The following RYK variants were observed in gnomAD, a reference collection of about 807,000 sequenced individuals.
RYK encodes the protein inactive tyrosine-protein kinase RYK.
In RYK, 21 loss-of-function variants were observed where a neutral mutation model predicts 70.2. The ratio of observed to expected loss-of-function variants is 0.30; its 90% CI spans 0.21 to 0.43. RYK has a LOEUF of 0.43. RYK is among the 20% of genes least tolerant of loss of function. RYK has a pLI of 1.00. For synonymous variants in RYK, 267 were observed against 278.0 expected (o/e 0.96, Z 0.39); for missense variants, 604 against 753.3 (o/e 0.80, Z 2.32).
intron 8 of RYK, among the ~76,000 whole-genome samples, chr3:134,189,767 A>C (rs1004003145): frequency 4.6e-5 from 7 of 151,552 alleles, no homozygotes; most frequent in Admixed American, 1.3e-4. Context: ...AAAACAAAAA[A>C]CAAAAACTCT....
At chr3:134,179,512 A>G (rs1365345804) in intron 10 of RYK, 1 of 152,244 alleles carries the variant, frequency 6.6e-6, no homozygotes, top group Non-Finnish European at 1.5e-5. Context: ...TTTATATGCA[A>G]GGAAATCCAC....
chr3:134,159,020 T>G (rs372896934), intron 14 of RYK, among the ~76,000 whole-genome samples: 4 of 152,322 alleles, frequency 2.6e-5, no homozygotes, highest in African/African-American at 9.6e-5. Context: ...GATTATGCAC[T>G]ATAAAATAAA....
chr3:134,196,011 C>A (rs1028717561), intron 6 of RYK, among the ~76,000 whole-genome samples: 2 of 152,040 alleles, frequency 1.3e-5, no homozygotes, highest in Admixed American at 1.3e-4. Flanking sequence ...GCTTCTTCTA[C>A]TTCCCCAATC....
At chr3:134,238,638 T>C (rs1338259106) in intron 1 of RYK, among the ~76,000 whole-genome samples, 1 of 152,132 alleles carries the variant, frequency 6.6e-6, no homozygotes, top group Non-Finnish European at 1.5e-5. Flanking sequence ...CTGTGCCACT[T>C]CAGGAAGTAA....
intron 1 of RYK, among the ~76,000 whole-genome samples, chr3:134,240,541 T>C (rs1559767523): frequency 2.0e-5 from 3 of 152,208 alleles, no homozygotes; most frequent in South Asian, 2.1e-4. Flanking sequence ...TAGGACACTA[T>C]GCATTTGTCG....
intron 1 of RYK, among the ~76,000 whole-genome samples, chr3:134,246,178 A>C (rs924265148): frequency 4.6e-5 from 7 of 152,014 alleles, no homozygotes; most frequent in African/African-American, 1.7e-4. Flanking sequence ...AAAATTGAGA[A>C]CCATTCCCCC....
At chr3:134,235,339 TATA>T (rs150951386) in intron 1 of RYK, among the ~76,000 whole-genome samples, 3,032 of 152,242 alleles carry the variant, frequency 0.02, 98 homozygotes, top group African/African-American at 0.069. Flanking sequence ...CCAAATAGTC[TATA>T]ATGAGTATAT....
At chr3:134,163,403 T>C (rs1170565636) in intron 13 of RYK, among the ~76,000 whole-genome samples, 1 of 152,244 alleles carries the variant, frequency 6.6e-6, no homozygotes, top group East Asian at 1.9e-4. Context: ...AAGAAGGTCA[T>C]GCTGTTCTTT....
intron 8 of RYK, among the ~76,000 whole-genome samples, chr3:134,189,757 A>C (rs1444844097): frequency 1.3e-5 from 2 of 150,680 alleles, no homozygotes; most frequent in Non-Finnish European, 2.9e-5. Context: ...AAAAAAAAAA[A>C]AAACAAAAAA....
At chr3:134,185,557 T>A (rs1042676930) in intron 9 of RYK, among the ~76,000 whole-genome samples, 3 of 152,254 alleles carry the variant, frequency 2.0e-5, no homozygotes, top group Non-Finnish European at 2.9e-5. Context: ...CATATCAATG[T>A]CTGCTGGAAT....
At chr3:134,247,371 G>GT (rs1400939859) in intron 1 of RYK, among the ~76,000 whole-genome samples, 1 of 152,068 alleles carries the variant, frequency 6.6e-6, no homozygotes, top group Non-Finnish European at 1.5e-5. Context: ...AGAGCCTGAG[G>GT]GATAAAAAAG....
Position 134,219,013 on chromosome 3 carries a change from A to G in RYK, c.354+3405T>C, listed in dbSNP as rs533327155. Among the ~76,000 whole-genome samples, 127 of 152,344 alleles carry G rather than the reference A, an allele frequency of 8.3e-4. 1 individual carries two copies. The highest frequency in any genetic ancestry group is 1.3e-3 in the Non-Finnish European group (91 of 68,030). ...AAAAAAATCAGGAAACTTCTGCCTC[A>G]CAAAGAATATCATACCAGCAGTGGC... On this transcript the variant is annotated intron_variant, in intron 2 of 14. Coordinates refer to ENST00000623711, the MANE Select transcript of RYK (RefSeq NM_002958.4).
chr3:134,176,509 T>A (rs1432857979), intron 11 of RYK, among the ~76,000 whole-genome samples: 1 of 151,564 alleles, frequency 6.6e-6, no homozygotes, highest in East Asian at 1.9e-4. Flanking sequence ...AAGGCTGAGG[T>A]GGGAGGATCA....
chr3:134,248,261 G>T (rs1050071690), intron 1 of RYK, among the ~76,000 whole-genome samples: 1 of 152,064 alleles, frequency 6.6e-6, no homozygotes, highest in Non-Finnish European at 1.5e-5. Context: ...GGAGTTAATT[G>T]AAACAATGCT....
chr3:134,228,165 C>T (rs2014959355), intron 1 of RYK, among the ~76,000 whole-genome samples: 1 of 152,110 alleles, frequency 6.6e-6, no homozygotes, highest in African/African-American at 2.4e-5. Context: ...GTGGTGTATG[C>T]CTGTAGTCCT....
At chr3:134,192,455 CAG>C (rs917490462) in intron 7 of RYK, among the ~76,000 whole-genome samples, 2 of 151,552 alleles carry the variant, frequency 1.3e-5, no homozygotes, top group African/African-American at 4.8e-5. Context: ...AAGTTTCAAA[CAG>C]AAAGTTATTT....
At chr3:134,170,425 G>C (rs1016335257) in intron 13 of RYK, 1 of 152,148 alleles carries the variant, frequency 6.6e-6, no homozygotes, top group African/African-American at 2.4e-5. Flanking sequence ...CGTGAGGCTG[G>C]GGAATCACTA....
rs761686729 is a variant in RYK at position 134,211,542 on chromosome 3, A to T, written c.420T>A (p.Ile140=). The part of the protein sequence containing the change: ...VLAMDMPQVN[I]SVQGEVPRTL... Reference sequence around the variant, plus strand: ...TGCGTGGAACTTCCCCCTGAACAGAAATGTTGACCTGGGGCATATCCATTG... The same window carrying T: ...TGCGTGGAACTTCCCCCTGAACAGATATGTTGACCTGGGGCATATCCATTG... Residue 140 remains isoleucine (I), a synonymous_variant, in exon 3 of 15, where the codon ATT becomes ATA. Coordinates refer to ENST00000623711, the MANE Select transcript of RYK (RefSeq NM_002958.4). 1.9e-6 allele frequency: 3 copies of T among 1,613,586 alleles called. No homozygotes were observed. The highest frequency in any genetic ancestry group is 2.5e-6 in the Non-Finnish European group (3 of 1,179,686).
chr3:134,169,657 T>C (rs1247275892), intron 13 of RYK, among the ~76,000 whole-genome samples: 1 of 152,200 alleles, frequency 6.6e-6, no homozygotes, highest in Admixed American at 6.5e-5. Context: ...AGAGATGCAA[T>C]GTATTATTTT....
Sources: allele counts gnomAD v4.1 joint callset (sites outside exome capture counted in the v4.1 genomes callset), GRCh38; gene constraint gnomAD v4.1.1; transcripts MANE v1.5; gene names NCBI Gene and HGNC (gene_info 2026-07-23, HGNC 2026-07-21).